The following MAK variants were observed in gnomAD, a reference collection of about 807,000 sequenced individuals.
MAK encodes male germ cell associated kinase.
A neutral mutation model predicts 82.6 loss-of-function variants in MAK; 65 were observed. That is an observed-to-expected ratio of 0.79 (90% CI 0.64 to 0.97). The LOEUF is 0.97. Among genes scored for constraint, MAK ranks in the 50% least tolerant of loss-of-function variants. The probability of loss-of-function intolerance (pLI) is 0.00; values close to 1 mark genes in which losing one functional copy is unlikely to be tolerated. For missense variants in MAK, 703 were observed against 780.2 expected, an observed-to-expected ratio of 0.90 and a Z score of 1.18; for synonymous variants, 250 against 274.2, an observed-to-expected ratio of 0.91 and a Z score of 0.87.
At chr6:10,830,432 G>A in intron 2 of MAK, 116 bp downstream of exon 2, 1 of 841,854 alleles carries the variant, frequency 1.2e-6, no homozygotes, top group South Asian at 1.4e-5. Context: ...CCAAAGTGCT[G>A]GGATTACAGG....
At position 10,764,298 on chromosome 6, in the gene MAK, T is replaced by C; in HGVS notation, c.*154A>G. 1 of 703,662 alleles carries C rather than the reference T, an allele frequency of 1.4e-6. No individual in the cohort carries two copies. The highest frequency in any genetic ancestry group is 2.4e-6 in the Non-Finnish European group (1 of 425,298). The allele number at this position is 703,662 out of a possible 1,614,324, so 43.6% of individuals were successfully genotyped here. ...AGAAAATGCATTTCTTGGAAATAAG[T>C]AAAATAGGGGATGATTTTTGCCCTT... On this transcript the variant is annotated 3_prime_UTR_variant, in exon 15 of 15. Transcript: ENST00000354489.
intron 3 of MAK, among the ~76,000 whole-genome samples, chr6:10,818,229 T>C (rs1777642862): frequency 6.6e-6 from 1 of 152,244 alleles, no homozygotes; most frequent in Admixed American, 6.5e-5. Flanking sequence ...AGGTCTAACT[T>C]TTGTCTGACT....
intron 13 of MAK, among the ~76,000 whole-genome samples, chr6:10,770,721 A>G (rs915096867): frequency 6.6e-6 from 1 of 152,214 alleles, no homozygotes; most frequent in Non-Finnish European, 1.5e-5. Flanking sequence ...ATCTGTACGC[A>G]TTAAACGTCA....
In MAK at chr6:10,815,945, T is replaced by TATATATATATATATATATATATATAA. The variant is rs1171616235; in HGVS notation, c.278+1904_278+1905insTTATATATATATATATATATATATAT. Among the ~76,000 whole-genome samples the TATATATATATATATATATATATATAA allele has an allele frequency of 3.9e-4, 46 of 116,826 alleles. 3 individuals carry two copies. Among genetic ancestry groups the TATATATATATATATATATATATATAA allele is most frequent in the African/African-American group, 1.7e-3 (45 of 26,580 alleles). The allele number at this position is 116,826 out of a possible 152,430, so 76.6% of individuals were successfully genotyped here. ...ATATATATATATATATATATATATA[T>TATATATATATATATATATATATATAA]ATGTATGTTTTCTTTTTTGTTTGAG... On this transcript the variant is annotated intron_variant, in intron 4 of 14. Coordinates refer to ENST00000354489, the MANE Select transcript of MAK (RefSeq NM_001242957.3).
chr6:10,767,073 C>G (rs892556929), intron 14 of MAK, among the ~76,000 whole-genome samples: 1 of 148,326 alleles, frequency 6.7e-6, no homozygotes, highest in African/African-American at 2.6e-5. Flanking sequence ...CTTAGTGGGA[C>G]CACCCCACAC....
Position 10,793,012 on chromosome 6 carries a change from C to A in MAK, c.1144-1165G>T, listed in dbSNP as rs1241995840. 2.0e-5 allele frequency among the ~76,000 whole-genome samples: 3 copies of A among 152,068 alleles called. No homozygotes were observed. The highest frequency in any genetic ancestry group is 1.9e-4 in the East Asian group (1 of 5,202). On this transcript the variant is annotated intron_variant, in intron 9 of 14. Transcript: ENST00000354489. The surrounding 1 kb of genome is among the most constrained non-coding windows in gnomAD (Gnocchi z 4.6). Reference sequence around the variant, plus strand: ...AACAATATCAGTGATATGCAAGAATCTGGTATGGCTGAGAAGACTGGAAAG... The same window carrying A: ...AACAATATCAGTGATATGCAAGAATATGGTATGGCTGAGAAGACTGGAAAG...
intron 1 of MAK, among the ~76,000 whole-genome samples, chr6:10,835,137 T>C (rs1008540335): frequency 6.6e-6 from 1 of 152,222 alleles, no homozygotes; most frequent in Non-Finnish European, 1.5e-5. Context: ...TCTAGATTAG[T>C]TTCTTTACAT....
chr6:10,795,232 ATC>A (rs1775428467), intron 9 of MAK, among the ~76,000 whole-genome samples: 1 of 152,054 alleles, frequency 6.6e-6, no homozygotes, highest in Admixed American at 6.6e-5. Context: ...TGGGTGGATC[ATC>A]TGAGGTCAGG....
chr6:10,766,636 C>A (rs116455307), intron 14 of MAK, among the ~76,000 whole-genome samples: 1 of 152,124 alleles, frequency 6.6e-6, no homozygotes, highest in African/African-American at 2.4e-5. Context: ...AGTGAGCTCA[C>A]CCATGTGGGC....
chr6:10,823,954 A>G (rs999253239), intron 2 of MAK, among the ~76,000 whole-genome samples: 6 of 151,962 alleles, frequency 3.9e-5, no homozygotes, highest in African/African-American at 1.4e-4. Context: ...ACCAAGCAAA[A>G]GATTGATAGG....
chr6:10,815,935 T>C (rs1489635333), intron 4 of MAK, among the ~76,000 whole-genome samples: 1 of 135,288 alleles, frequency 7.4e-6, no homozygotes, highest in Non-Finnish European at 1.5e-5. Context: ...TATATATATA[T>C]ATATATATAT....
intron 2 of MAK, among the ~76,000 whole-genome samples, chr6:10,826,332 A>G (rs1173775864): frequency 7.1e-6 from 1 of 141,232 alleles, no homozygotes; most frequent in Non-Finnish European, 1.5e-5. Context: ...AGTGTGGCTT[A>G]TCTAGGCTCC....
chr6:10,778,647 G>C (rs78939396), intron 11 of MAK, among the ~76,000 whole-genome samples: 2,577 of 152,166 alleles, frequency 0.017, 61 homozygotes, highest in African/African-American at 0.05. Flanking sequence ...GCAAGAACAC[G>C]GGGTGGTATA....
At chr6:10,814,490 G>GTGTCTACAAAACATACA (rs1221783730) in intron 4 of MAK, among the ~76,000 whole-genome samples, 3 of 150,832 alleles carry the variant, frequency 2.0e-5, no homozygotes, top group Non-Finnish European at 4.4e-5. Flanking sequence ...GCAACATGGT[G>GTGTCTACAAAACATACA]AAACCTTGTG....
chr6:10,790,342 A>G (rs1364353003), intron 10 of MAK, among the ~76,000 whole-genome samples: 2 of 152,210 alleles, frequency 1.3e-5, no homozygotes, highest in Non-Finnish European at 2.9e-5. Context: ...TGTCATGCCA[A>G]ATAGCTACTT....
At chr6:10,779,648 A>G (rs529709257) in intron 11 of MAK, among the ~76,000 whole-genome samples, 1 of 152,298 alleles carries the variant, frequency 6.6e-6, no homozygotes, top group South Asian at 2.1e-4. Context: ...AAAAATAACT[A>G]TGGATCATAA....
At position 10,780,218 on chromosome 6, in the gene MAK, A is replaced by G. The variant is rs145778716; in HGVS notation, c.1465+4206T>C. 1,334 of 964,980 alleles carry G rather than the reference A, an allele frequency of 1.4e-3. 12 individuals carry two copies. The African/African-American group carries it at 0.016, about 12-fold the overall frequency. The allele number at this position is 964,980 out of a possible 1,614,324, so 59.8% of individuals were successfully genotyped here. The stretch of plus-strand genomic sequence containing the variant: ...TGAGTTTACTTTTTAAATCTCAATT[A>G]TAGCCATCCTTCTGATCCCAAGTAA... On this transcript the variant is annotated intron_variant, in intron 11 of 14. Coordinates refer to ENST00000354489, the MANE Select transcript of MAK (RefSeq NM_001242957.3).
chr6:10,826,495 T>G (rs1206809179), intron 2 of MAK: 1 of 152,168 alleles, frequency 6.6e-6, no homozygotes, highest in Non-Finnish European at 1.5e-5. Flanking sequence ...CTAAATGAAT[T>G]TTTCAATTTT....
intron 1 of MAK, 191 bp downstream of exon 1, chr6:10,838,312 G>A (rs998101190): frequency 6.6e-6 from 1 of 152,398 alleles, no homozygotes; most frequent in African/African-American, 2.4e-5. Context: ...GCCCCTCCGG[G>A]GACCCTCCTC....
Sources: allele counts gnomAD v4.1 joint callset (sites outside exome capture counted in the v4.1 genomes callset), GRCh38; gene constraint gnomAD v4.1.1; non-coding constraint Gnocchi (gnomAD v3.1); transcripts MANE v1.5; gene names NCBI Gene and HGNC (gene_info 2026-07-23, HGNC 2026-07-21).